SLC12A1: variants seen among roughly 807,000 people sequenced by gnomAD.
The protein encoded by SLC12A1 is solute carrier family 12 member 1.
A neutral mutation model predicts 130.4 loss-of-function variants in SLC12A1; 89 were observed. The ratio of observed to expected loss-of-function variants is 0.68; its 90% confidence interval spans 0.58 to 0.81. The LOEUF (loss-of-function observed/expected upper bound fraction) is 0.81. Among genes scored for constraint, SLC12A1 ranks in the 40% least tolerant of loss-of-function variants. SLC12A1 has a pLI of 0.00. For missense variants in SLC12A1, 1,310 were observed against 1,336.4 expected (o/e 0.98, Z 0.31); for synonymous variants, 499 against 460.0 (o/e 1.08, Z -1.09).
chr15:48,241,283 G>C (rs542320098), intron 9 of SLC12A1, among the ~76,000 whole-genome samples: 24 of 152,296 alleles, frequency 1.6e-4, no homozygotes, highest in African/African-American at 5.3e-4. Flanking sequence ...TGGACAGTTA[G>C]AGATCTCTTC....
At chr15:48,208,618 A>G (rs1054970989) in intron 2 of SLC12A1, among the ~76,000 whole-genome samples, 1 of 152,166 alleles carries the variant, frequency 6.6e-6, no homozygotes, top group Non-Finnish European at 1.5e-5. Flanking sequence ...CAGCTCCACA[A>G]ATGTTTTCTG....
At chr15:48,228,922 GCTGTGTTCT>G in intron 5 of SLC12A1, 2 of 302,878 alleles carry the variant, frequency 6.6e-6, no homozygotes, top group Non-Finnish European at 1.2e-5. Flanking sequence ...TGTAAATTTT[GCTGTGTTCT>G]TTTTTGTAGC....
At position 48,245,289 on chromosome 15, in the gene SLC12A1, G is replaced by C. The variant is rs551670577; in HGVS notation, c.1452+385G>C. On this transcript the variant is annotated intron_variant, in intron 11 of 26. Transcript: ENST00000380993. ...ATTCAGGGAGTATCCTCTATGTGCAGGTTTGTTACATGAGTGTATTGTGTG... is the reference window on the plus strand; with the variant it reads ...ATTCAGGGAGTATCCTCTATGTGCACGTTTGTTACATGAGTGTATTGTGTG... Among the ~76,000 whole-genome samples, 3 of 152,258 alleles carry C rather than the reference G, an allele frequency of 2.0e-5. No homozygotes were observed. The East Asian group carries it at 5.8e-4, about 29-fold the overall frequency.
At chr15:48,265,103 C>A (rs1255843819) in intron 17 of SLC12A1, among the ~76,000 whole-genome samples, 2 of 152,048 alleles carry the variant, frequency 1.3e-5, no homozygotes, top group African/African-American at 4.8e-5. Flanking sequence ...TTTCTCTTTG[C>A]TAGTTTGCTT....
intron 7 of SLC12A1, among the ~76,000 whole-genome samples, chr15:48,231,657 A>G (rs1444445864): frequency 6.6e-6 from 1 of 152,212 alleles, no homozygotes; most frequent in Non-Finnish European, 1.5e-5. Context: ...TTATTTACCT[A>G]AAAGAATGCA....
intron 10 of SLC12A1, among the ~76,000 whole-genome samples, chr15:48,243,912 ACG>A (rs2041547273): frequency 6.6e-6 from 1 of 152,232 alleles, no homozygotes; most frequent in Admixed American, 6.5e-5. Context: ...TATACTTCAC[ACG>A]TATATTCATA....
chr15:48,254,832 A>G (rs150409954), intron 15 of SLC12A1, among the ~76,000 whole-genome samples: 3,351 of 151,288 alleles, frequency 0.022, 121 homozygotes, highest in African/African-American at 0.077. Context: ...GCTGAGGCAG[A>G]AGAATGGCGT....
At chr15:48,283,857 C>G (rs1438173939) in intron 20 of SLC12A1, among the ~76,000 whole-genome samples, 2 of 151,588 alleles carry the variant, frequency 1.3e-5, no homozygotes, top group African/African-American at 4.9e-5. Context: ...AGAGTGCCAC[C>G]TCACCCAGTA....
intron 16 of SLC12A1, among the ~76,000 whole-genome samples, chr15:48,256,162 A>G (rs1380757376): frequency 6.6e-6 from 1 of 152,222 alleles, no homozygotes; most frequent in East Asian, 1.9e-4. Context: ...GCGTGGAGAT[A>G]GCAAGGTGGA....
At chr15:48,295,550 C>T (rs2042169133) in intron 24 of SLC12A1, among the ~76,000 whole-genome samples, 1 of 152,176 alleles carries the variant, frequency 6.6e-6, no homozygotes, top group Non-Finnish European at 1.5e-5. Context: ...ATGTCCTCTT[C>T]TGATGTCCAC....
Position 48,241,447 on chromosome 15 carries a change from T to G in SLC12A1, c.1216-68T>G. ...GCCTAAAAATCTGAAAATATGAAAA[T>G]AACTCCAAGTGATCTATGGTTCTTA... On this transcript the variant is annotated intron_variant, in intron 9 of 26. Transcript: ENST00000380993. 7 of 1,263,830 alleles carry G rather than the reference T, an allele frequency of 5.5e-6. No homozygotes were observed. In the South Asian group the frequency reaches 6.1e-5, roughly 11 times the overall value. The allele number at this position is 1,263,830 out of a possible 1,614,324, so 78.3% of individuals were successfully genotyped here.
chr15:48,239,072 G>A lies in SLC12A1; in HGVS notation c.1216-2443G>A, dbSNP rs150274791. 5.4e-3 allele frequency among the ~76,000 whole-genome samples: 828 copies of A among 152,300 alleles called. 10 individuals carry two copies. The highest frequency in any genetic ancestry group is 0.019 in the African/African-American group (793 of 41,566). ...AGAAGTTTAGGTTTTGGGTTACTGC[G>A]TGTGGATAGAAACTACATTTCAAGT... On this transcript the variant is annotated intron_variant, in intron 9 of 26. Coordinates refer to ENST00000380993, the MANE Select transcript of SLC12A1 (RefSeq NM_000338.3).
intron 16 of SLC12A1, among the ~76,000 whole-genome samples, chr15:48,257,681 C>A (rs535752715): frequency 2.0e-5 from 3 of 152,172 alleles, no homozygotes; most frequent in African/African-American, 7.2e-5. Context: ...CAAAGGGCAC[C>A]AAGTCCCTAG....
rs979237458 is a variant in SLC12A1 at position 48,282,381 on chromosome 15, G to A, written c.2486-2725G>A. Among the ~76,000 whole-genome samples the A allele has an allele frequency of 9.2e-5, 14 of 152,084 alleles. No homozygotes were observed. The East Asian group carries it at 1.2e-3, about 13-fold the overall frequency. On this transcript the variant is annotated intron_variant, in intron 20 of 26. Coordinates refer to ENST00000380993, the MANE Select transcript of SLC12A1 (RefSeq NM_000338.3). ...GAATCGCTCCCAGTTCACTCAGCCCGCTGACTCCATTACAAAAGAGGATTT... is the reference window on the plus strand; with the variant it reads ...GAATCGCTCCCAGTTCACTCAGCCCACTGACTCCATTACAAAAGAGGATTT...
intron 5 of SLC12A1, chr15:48,227,860 C>T (rs1280186870): frequency 1.3e-5 from 2 of 152,466 alleles, no homozygotes; most frequent in Admixed American, 6.5e-5. Flanking sequence ...CCACTCTCAA[C>T]TTCTGCCTGT....
chr15:48,220,428 A>T (rs1383723140), intron 2 of SLC12A1, among the ~76,000 whole-genome samples: 3 of 152,186 alleles, frequency 2.0e-5, no homozygotes, highest in Non-Finnish European at 4.4e-5. Flanking sequence ...AGCCCTAAAA[A>T]ACACTTTAAA....
At chr15:48,254,097 T>C (rs967430368) in intron 15 of SLC12A1, among the ~76,000 whole-genome samples, 1 of 152,214 alleles carries the variant, frequency 6.6e-6, no homozygotes, top group Non-Finnish European at 1.5e-5. Context: ...TTTCTCTATT[T>C]TCCTTACAGT....
intron 19 of SLC12A1, among the ~76,000 whole-genome samples, chr15:48,271,042 G>A (rs2041893176): frequency 6.6e-6 from 1 of 151,076 alleles, no homozygotes; most frequent in Non-Finnish European, 1.5e-5. Context: ...TGGCCAACAT[G>A]GTGAAACCCC....
chr15:48,285,157 A>C lies in SLC12A1; in HGVS notation c.2537A>C (p.Lys846Thr). 2 of 1,613,708 alleles carry C rather than the reference A, an allele frequency of 1.2e-6. No individual in the cohort carries two copies. Among genetic ancestry groups the C allele is most frequent in the Non-Finnish European group, 1.7e-6 (2 of 1,179,690 alleles). ...AGACTAGCATTGGAAGCGACTATCA[A>C]AGATAATGAGTGTGAAGAGGAAAGT... The part of the protein sequence containing the change: ...QERLALEATI[K>T]DNECEEESGG... The change falls in exon 21 of 27, where the codon AAA becomes ACA. Residue 846 changes from lysine (K) to threonine (T), a missense_variant. Lys to Thr is a moderately conservative substitution (Grantham distance 78). Transcript: ENST00000380993.
Sources: gnomAD v4.1 joint callset for allele counts (sites outside exome capture counted in the v4.1 genomes callset) on GRCh38, gnomAD v4.1.1 for gene constraint, MANE v1.5 for transcripts, NCBI Gene and HGNC (gene_info 2026-07-23, HGNC 2026-07-21) for gene names.